KIR2DL4: variants seen among roughly 807,000 people sequenced by gnomAD.
KIR2DL4 encodes the protein killer cell immunoglobulin-like receptor 2DL4.
KIR2DL4 carries 41 observed loss-of-function variants against 31.0 expected under a neutral mutation model. That is an observed-to-expected ratio of 1.32 (90% CI 1.03 to 1.72). The LOEUF is 1.72. Among genes scored for constraint, KIR2DL4 ranks in the 40% most tolerant of loss-of-function variants. KIR2DL4 has a pLI of 0.00. For synonymous variants in KIR2DL4, 164 were observed against 133.6 expected (o/e 1.23, Z -1.57); for missense variants, 438 against 353.7 (o/e 1.24, Z -1.91).
intron 5 of KIR2DL4, among the ~76,000 whole-genome samples, chr19:54,812,845 C>A (rs1163961363): frequency 3.0e-5 from 2 of 66,800 alleles, no homozygotes; most frequent in African/African-American, 1.8e-4. Context: ...GACCAAAACA[C>A]CCCTCCCAAT....
exon 4 of KIR2DL4, chr19:54,806,215 C>G: frequency 1.2e-6 from 2 of 1,610,328 alleles, no homozygotes; most frequent in Non-Finnish European, 8.5e-7. Context: ...TGGTCAGACC[C>G]GAGTGACCCA....
At chr19:54,808,710 C>T (rs1601174784) in intron 4 of KIR2DL4, 123 bp from the exon 5 acceptor site, 2 of 788,478 alleles carry the variant, frequency 2.5e-6, no homozygotes, top group East Asian at 2.5e-5. Flanking sequence ...GAATGGGATG[C>T]CAGGACTCCC....
In KIR2DL4 at chr19:54,805,850, G is replaced by GAGAGAT. The variant is rs71302135; in HGVS notation, c.362-101_362-100insAGAGAT. On this transcript the variant is annotated intron_variant, in intron 3 of 7. Transcript: ENST00000359085. ...GTGGAGGGTGAGAGAGAGAGAGAGAGCACTAGGCCATAGAGCAGGGCAGTG... is the reference window on the plus strand; with the variant it reads ...GTGGAGGGTGAGAGAGAGAGAGAGAGAGAGATCACTAGGCCATAGAGCAGGGCAGTG... 1.0e-5 allele frequency: 11 copies of GAGAGAT among 1,080,972 alleles called. No homozygotes were observed. In the African/African-American group the frequency reaches 1.3e-4, roughly 13 times the overall value. 67.0% of individuals were successfully genotyped at this position (1,080,972 alleles called of 1,614,324 possible). A position where few individuals can be genotyped will look rare whatever the true frequency, so the allele number is the denominator to read the frequency against.
At chr19:54,808,985 G>T (rs1389433038) in intron 5 of KIR2DL4, 102 bp downstream of exon 5, 6 of 949,844 alleles carry the variant, frequency 6.3e-6, no homozygotes, top group Non-Finnish European at 1.0e-5. Context: ...GTGATTGTGG[G>T]CCTGTCTTCC....
intron 5 of KIR2DL4, among the ~76,000 whole-genome samples, chr19:54,810,317 A>G (rs2060785353): frequency 6.6e-6 from 1 of 150,672 alleles, no homozygotes; most frequent in African/African-American, 2.5e-5. Flanking sequence ...TAGTACAGAC[A>G]AGGTTTTACC....
chr19:54,811,150 C>T lies in KIR2DL4; in HGVS notation c.707-1975C>T, dbSNP rs1412337950. 5.9e-5 allele frequency among the ~76,000 whole-genome samples: 9 copies of T among 151,292 alleles called. 1 individual carries two copies. The highest frequency in any genetic ancestry group is 6.6e-5 in the Admixed American group (1 of 15,206). The stretch of plus-strand genomic sequence containing the variant: ...ACGGTGGCTCACACCTGTAACCCAA[C>T]ATTTTGGGAGGCTGAGGAGGCTGGA... On this transcript the variant is annotated intron_variant, in intron 5 of 7. Transcript: ENST00000359085.
chr19:54,808,353 A>G (rs796636075), intron 4 of KIR2DL4, among the ~76,000 whole-genome samples: 2 of 151,190 alleles, frequency 1.3e-5, no homozygotes, highest in Non-Finnish European at 2.9e-5. Flanking sequence ...TAAGTCATTA[A>G]TCCATTTTCA....
chr19:54,804,727 T>G, intron 2 of KIR2DL4, 66 bp from the exon 3 acceptor site: 1 of 1,516,934 alleles, frequency 6.6e-7, no homozygotes, highest in Non-Finnish European at 9.0e-7. Context: ...GAGAATCTTC[T>G]GAGCACAGGG....
intron 1 of KIR2DL4, 26 bp from the exon 2 acceptor site, chr19:54,803,865 T>C (rs1186436608): frequency 1.2e-6 from 2 of 1,605,350 alleles, no homozygotes; most frequent in Admixed American, 3.3e-5. Flanking sequence ...CCGAGATGAA[T>C]AGTTCATCAT....
chr19:54,804,643 G>T (rs544084384), intron 2 of KIR2DL4, 150 bp from the exon 3 acceptor site: 10 of 749,790 alleles, frequency 1.3e-5, no homozygotes, highest in Non-Finnish European at 1.8e-5. Context: ...GAGACGCCAC[G>T]TCTATGCGGG....
intron 4 of KIR2DL4, among the ~76,000 whole-genome samples, chr19:54,807,463 G>A (rs113804843): frequency 1.3e-5 from 2 of 151,284 alleles, no homozygotes; most frequent in Non-Finnish European, 1.5e-5. Flanking sequence ...TTGACATAGC[G>A]TTTCACTCTT....
Position 54,804,773 on chromosome 19 carries a change from G to T in KIR2DL4, c.77-20G>T. Reference sequence around the variant, plus strand: ...AGCTCAACATACTCCTCTCTGAGGCGGCATCTCCTTCTCCCCAAGGTGGTC... The same window carrying T: ...AGCTCAACATACTCCTCTCTGAGGCTGCATCTCCTTCTCCCCAAGGTGGTC... On this transcript the variant is annotated intron_variant, in intron 2 of 7. Coordinates refer to ENST00000359085, the Ensembl canonical transcript of KIR2DL4. 6.2e-7 allele frequency: 1 copy of T among 1,607,546 alleles called. No individual in the cohort carries two copies. The highest frequency in any genetic ancestry group is 1.1e-5 in the South Asian group (1 of 90,024).
At position 54,803,682 on chromosome 19, in the gene KIR2DL4, G is replaced by GCATGT; in HGVS notation, c.33_37dup (p.Leu13HisfsTer37). 6.2e-7 allele frequency: 1 copy of GCATGT among 1,612,200 alleles called. No individual in the cohort carries two copies. The highest frequency in any genetic ancestry group is 8.5e-7 in the Non-Finnish European group (1 of 1,179,512). Reference sequence around the variant, plus strand: ...CATGTCACCCACGGTCATCATCCTGGCATGTCTTGGTGAGTCCTGGAAGGG... The same window carrying GCATGT: ...CATGTCACCCACGGTCATCATCCTGGCATGTCATGTCTTGGTGAGTCCTGGAAGGG... On this transcript the variant is annotated frameshift_variant, in exon 1 of 8. Coordinates refer to ENST00000359085, the Ensembl canonical transcript of KIR2DL4. LOFTEE classifies it high-confidence loss of function.
intron 2 of KIR2DL4, among the ~76,000 whole-genome samples, 175 bp from the exon 3 acceptor site, chr19:54,804,618 C>T (rs890726754): frequency 6.6e-6 from 1 of 151,252 alleles, no homozygotes; most frequent in African/African-American, 2.4e-5. Flanking sequence ...TCTCAACTGA[C>T]ACTTTTGTTG....
chr19:54,804,858 A>G lies in KIR2DL4; in HGVS notation c.142A>G (p.Thr48Ala), dbSNP rs200603757. 206 of 1,611,702 alleles carry G rather than the reference A, an allele frequency of 1.3e-4. 1 individual carries two copies. Among genetic ancestry groups the G allele is most frequent in the Non-Finnish European group, 1.7e-4 (195 of 1,179,576 alleles). Residue 48 changes from threonine (T) to alanine (A), a missense_variant, in exon 3 of 8, where the codon ACT becomes GCT. Coordinates refer to ENST00000359085, the Ensembl canonical transcript of KIR2DL4. ...TGTGGTGCCTCAAGGAGGACACGTG[A>G]CTCTTCGGTGTCACTATCGTCGTGG...
Position 54,813,689 on chromosome 19 carries a change from G to C in KIR2DL4, c.811-1G>C. On this transcript the variant is annotated splice_acceptor_variant, in intron 6 of 7. Transcript: ENST00000359085. LOFTEE classifies it high-confidence loss of function. ...GTTTTGATTGCTTCCGTCTCCTACA[G>C]ATGCTGCTGTAATGAACCAAGAGCC... The C allele has an allele frequency of 6.2e-7, 1 of 1,611,934 alleles. No homozygotes were observed. The highest frequency in any genetic ancestry group is 8.5e-7 in the Non-Finnish European group (1 of 1,179,554).
intron 4 of KIR2DL4, among the ~76,000 whole-genome samples, chr19:54,808,090 A>G (rs1229768158): frequency 6.6e-6 from 1 of 150,866 alleles, no homozygotes; most frequent in Non-Finnish European, 1.5e-5. Context: ...TATTCTAGTT[A>G]TTAATCCCAT....
chr19:54,814,282 A>T, exon 8 of KIR2DL4: 1 of 714,716 alleles, frequency 1.4e-6, no homozygotes, highest in East Asian at 2.8e-5. Flanking sequence ...TCTCCAACCT[A>T]ACTGGCTTAC....
intron 4 of KIR2DL4, among the ~76,000 whole-genome samples, chr19:54,806,746 G>T (rs1204720249): frequency 6.6e-6 from 1 of 150,446 alleles, no homozygotes. Flanking sequence ...GGTGGCTCAT[G>T]CCTGTAATCT....
Sources: gnomAD v4.1 joint callset for allele counts (sites outside exome capture counted in the v4.1 genomes callset) on GRCh38, gnomAD v4.1.1 for gene constraint, MANE v1.5 for transcripts, NCBI Gene and HGNC (gene_info 2026-07-23, HGNC 2026-07-21) for gene names.